OXTR: variants seen among roughly 807,000 people sequenced by gnomAD.
The protein encoded by OXTR is oxytocin receptor.
A neutral mutation model predicts 23.9 loss-of-function variants in OXTR; 19 were observed. That is an observed-to-expected ratio of 0.80 (90% confidence interval 0.56 to 1.17). The LOEUF (loss-of-function observed/expected upper bound fraction) is 1.17, where lower values mean the gene tolerates loss of function less well. Among genes scored for constraint, OXTR ranks in the 50% most tolerant of loss-of-function variants. The pLI is 0.00. For missense variants in OXTR, 500 were observed against 550.7 expected, an observed-to-expected ratio of 0.91 and a Z score of 0.92; for synonymous variants, 278 against 250.5, an observed-to-expected ratio of 1.11 and a Z score of -1.04.
the OXTR span, chr3:8,742,360 CAAAA>C: frequency 7.5e-5 from 18 of 240,994 alleles, no homozygotes; most frequent in South Asian, 1.5e-4. Context: ...CTGCAAACAC[CAAAA>C]AAAAAAAAAA....
chr3:8,765,443 CAT>C (rs1708584912), intron 3 of OXTR, among the ~76,000 whole-genome samples: 1 of 152,210 alleles, frequency 6.6e-6, no homozygotes, highest in Admixed American at 6.5e-5. Flanking sequence ...GAAATGTCCT[CAT>C]TCTAAAAGCA....
In OXTR at chr3:8,750,979, A is replaced by C. The variant is rs1708245198; in HGVS notation, c.*1998T>G. 6.6e-6 allele frequency: 1 copy of C among 152,190 alleles called. No individual in the cohort carries two copies. Among genetic ancestry groups the C allele is most frequent in the African/African-American group, 2.4e-5 (1 of 41,434 alleles). The allele number at this position is 152,190 out of a possible 1,614,324, so 9.4% of individuals were successfully genotyped here. A position where few individuals can be genotyped will look rare whatever the true frequency, so the allele number is the denominator to read the frequency against. On this transcript the variant is annotated 3_prime_UTR_variant, in exon 4 of 4. Transcript: ENST00000316793. ...CCAAACTGTTTTTCAAAGCAGGTGC[A>C]CCATTTACATTCCCACCAACAATTT...
At position 8,768,176 on chromosome 3, in the gene OXTR, C is replaced by A; in HGVS notation, c.12G>T (p.Ala4=). 1.3e-5 allele frequency: 17 copies of A among 1,322,578 alleles called. No individual in the cohort carries two copies. Among genetic ancestry groups the A allele is most frequent in the South Asian group, 2.2e-5 (1 of 45,188 alleles). The allele number at this position is 1,322,578 out of a possible 1,614,324, so 81.9% of individuals were successfully genotyped here. A position where few individuals can be genotyped will look rare whatever the true frequency, so the allele number is the denominator to read the frequency against. Residue 4 remains alanine, a synonymous_variant, in exon 3 of 4, where the codon GCG becomes GCT. Coordinates refer to ENST00000316793, the MANE Select transcript of OXTR (RefSeq NM_000916.4). The surrounding 1 kb of genome is among the most constrained non-coding windows in gnomAD (Gnocchi z 5.4). The part of the protein sequence containing the change: MEG[A]LAANWSAEAA... The stretch of plus-strand genomic sequence containing the variant: ...CCTCGGCGCTCCAGTTGGCTGCGAG[C>A]GCGCCCTCCATGACCCTGGCGGCAG...
chr3:8,748,111 C>T (rs1708199421), downstream of OXTR, among the ~76,000 whole-genome samples: 1 of 137,512 alleles, frequency 7.3e-6, no homozygotes, highest in South Asian at 2.1e-4. Flanking sequence ...TCATAAGATA[C>T]ATAGGGGACC....
chr3:8,750,067 G>A (rs987664970), downstream of OXTR, among the ~76,000 whole-genome samples: 6 of 152,168 alleles, frequency 3.9e-5, no homozygotes, highest in Admixed American at 6.5e-5. Context: ...TTTCTTAGAC[G>A]TGGTCATGTC....
At chr3:8,741,397 T>G in the OXTR span, among the ~76,000 whole-genome samples, 1 of 152,186 alleles carries the variant, frequency 6.6e-6, no homozygotes, top group Non-Finnish European at 1.5e-5. Flanking sequence ...GACACACTGA[T>G]TGTGAACTGC....
intron 3 of OXTR, among the ~76,000 whole-genome samples, chr3:8,766,365 C>T (rs777430973): frequency 1.3e-5 from 2 of 152,142 alleles, no homozygotes; most frequent in African/African-American, 2.4e-5. Flanking sequence ...CTCCCTAGGT[C>T]GCCCTCTTCT....
intron 3 of OXTR, among the ~76,000 whole-genome samples, chr3:8,757,073 G>C (rs1389851708): frequency 1.3e-5 from 2 of 152,180 alleles, no homozygotes; most frequent in African/African-American, 4.8e-5. Context: ...TCAGGATCCA[G>C]ATGCAAAGTC....
chr3:8,745,158 AG>A, the OXTR span: 1 of 256,850 alleles, frequency 3.9e-6, no homozygotes, highest in Non-Finnish European at 7.7e-6. This position sits in a 1 kb window ranked among gnomAD's most constrained non-coding sequence, Gnocchi z 4.8. Flanking sequence ...GTTGTTGTAA[AG>A]TGTGGCACTC....
intron 3 of OXTR, among the ~76,000 whole-genome samples, chr3:8,754,226 A>G (rs2124996083): frequency 6.6e-6 from 1 of 152,328 alleles, no homozygotes; most frequent in Non-Finnish European, 1.5e-5. Flanking sequence ...GCTTCAAGAC[A>G]TTGCTTGTCA....
intron 3 of OXTR, among the ~76,000 whole-genome samples, chr3:8,765,562 G>A (rs1163303833): frequency 1.3e-5 from 2 of 152,182 alleles, no homozygotes; most frequent in Non-Finnish European, 1.5e-5. Flanking sequence ...TACTCCAAAG[G>A]GTGCTGGTTT....
At chr3:8,742,355 AACACC>A in the OXTR span, 1 of 253,930 alleles carries the variant, frequency 3.9e-6, no homozygotes, top group Non-Finnish European at 7.2e-6. Context: ...GGCTTCTGCA[AACACC>A]AAAAAAAAAA....
At chr3:8,745,915 A>C, downstream of OXTR, 2 of 1,515,888 alleles carry the variant, frequency 1.3e-6, no homozygotes, top group Non-Finnish European at 1.8e-6. This position sits in a 1 kb window ranked among gnomAD's most constrained non-coding sequence, Gnocchi z 4.8. Flanking sequence ...GGTGGGCCAG[A>C]CTGGTCCCCG....
In OXTR at chr3:8,767,599, G is replaced by A. The variant is rs1231433000; in HGVS notation, c.589C>T (p.Pro197Ser). 6.2e-7 allele frequency: 1 copy of A among 1,613,310 alleles called. No homozygotes were observed. The highest frequency in any genetic ancestry group is 8.5e-7 in the Non-Finnish European group (1 of 1,179,798). The change falls in exon 3 of 4, where the codon CCC becomes TCC. Residue 197 changes from proline to serine, a missense_variant. Transcript: ENST00000316793. ...CWAVFIQPWGPKAYITWITLA... is the reference protein window; with the variant it reads ...CWAVFIQPWGSKAYITWITLA... Reference sequence around the variant, plus strand: ...GTGATCCATGTGATGTAGGCCTTGGGTCCCCAGGGCTGGATGAAGACGGCC... The same window carrying A: ...GTGATCCATGTGATGTAGGCCTTGGATCCCCAGGGCTGGATGAAGACGGCC...
rs146633345 is a variant in OXTR, at chr3:8,754,163, C to A, written c.923-939G>T. ...AGTTATCTGAAGTACTCTGTAAAGG[C>A]TATTATACTGAGGACTCATGGAGGT... On this transcript the variant is annotated intron_variant, in intron 3 of 3. Transcript: ENST00000316793. 2.0e-5 allele frequency among the ~76,000 whole-genome samples: 3 copies of A among 152,276 alleles called. No homozygotes were observed. The East Asian group carries it at 5.8e-4, about 29-fold the overall frequency.
chr3:8,750,204 C>T (rs760882003), downstream of OXTR, among the ~76,000 whole-genome samples: 7 of 152,126 alleles, frequency 4.6e-5, no homozygotes, highest in Non-Finnish European at 7.3e-5. Context: ...TCACTTGTGC[C>T]TTTACAAAGT....
At chr3:8,761,985 G>A (rs1296644581) in intron 3 of OXTR, among the ~76,000 whole-genome samples, 3 of 152,184 alleles carry the variant, frequency 2.0e-5, no homozygotes, top group Non-Finnish European at 4.4e-5. Flanking sequence ...GGTGTACAGG[G>A]TCCGGCTTCA....
chr3:8,754,018 C>T lies in OXTR; in HGVS notation c.923-794G>A, dbSNP rs116319609. 8.3e-3 allele frequency among the ~76,000 whole-genome samples: 1,259 copies of T among 152,252 alleles called. 22 individuals are homozygous for T. The highest frequency in any genetic ancestry group is 0.029 in the African/African-American group (1,194 of 41,540). On this transcript the variant is annotated intron_variant, in intron 3 of 3. Transcript: ENST00000316793. ...AATGGCCCCAGCAAAGGCGTGGCAG[C>T]GAGAAACTGTATGACATCTTCATGG...
rs1326040556 is a variant in OXTR, at chr3:8,768,176, C to G, written c.12G>C (p.Ala4=). ...CCTCGGCGCTCCAGTTGGCTGCGAG[C>G]GCGCCCTCCATGACCCTGGCGGCAG... is the stretch of plus-strand genomic sequence containing the variant. MEG[A]LAANWSAEAA... is the part of the protein sequence containing the mutation. The change falls in exon 3 of 4, where the codon GCG becomes GCC. Residue 4 remains alanine, a synonymous_variant. Coordinates refer to ENST00000316793, the MANE Select transcript of OXTR (RefSeq NM_000916.4). The surrounding 1 kb of genome is among the most constrained non-coding windows in gnomAD (Gnocchi z 5.4). 2 of 1,322,578 alleles carry G rather than the reference C, an allele frequency of 1.5e-6. No homozygotes were observed. The highest frequency in any genetic ancestry group is 1.9e-6 in the Non-Finnish European group (2 of 1,044,844). The allele number at this position is 1,322,578 out of a possible 1,614,324, so 81.9% of individuals were successfully genotyped here. A position where few individuals can be genotyped will look rare whatever the true frequency, so the allele number is the denominator to read the frequency against.
Sources: allele counts gnomAD v4.1 joint callset (sites outside exome capture counted in the v4.1 genomes callset), GRCh38; gene constraint gnomAD v4.1.1; non-coding constraint Gnocchi (gnomAD v3.1); transcripts MANE v1.5; gene names NCBI Gene and HGNC (gene_info 2026-07-23, HGNC 2026-07-21).